The following SOCS4 variants were observed in gnomAD, a reference collection of about 807,000 sequenced individuals.
SOCS4 encodes the protein suppressor of cytokine signaling 4.
In SOCS4, 20 loss-of-function variants were observed where a neutral mutation model predicts 34.1. The ratio of observed to expected loss-of-function variants is 0.59; its 90% CI spans 0.41 to 0.85. SOCS4 has a LOEUF of 0.85. SOCS4 is among the 40% of genes least tolerant of loss of function. SOCS4 has a pLI of 0.00. For missense variants in SOCS4, 479 were observed against 532.4 expected (o/e 0.90, Z 0.99); for synonymous variants, 180 against 186.4 (o/e 0.97, Z 0.28).
At chr14:55,041,587 T>TCCTG (rs2042618670) in intron 2 of SOCS4, among the ~76,000 whole-genome samples, 1 of 151,122 alleles carries the variant, frequency 6.6e-6, no homozygotes, top group African/African-American at 2.4e-5. Context: ...CAAGCAGTTC[T>TCCTG]CCTCAGCCTC....
chr14:55,028,733 A>G (rs1268555278), intron 1 of SOCS4, among the ~76,000 whole-genome samples: 1 of 152,192 alleles, frequency 6.6e-6, no homozygotes, highest in Non-Finnish European at 1.5e-5. Context: ...TCATAGGTTA[A>G]AGAACAATTT....
chr14:55,044,272 A>G lies in SOCS4; in HGVS notation c.1231A>G (p.Ile411Val), dbSNP rs1257003024. 2 of 1,614,030 alleles carry G rather than the reference A, an allele frequency of 1.2e-6. No individual in the cohort carries two copies. The highest frequency in any genetic ancestry group is 1.1e-5 in the South Asian group (1 of 91,080). ...TTYDGIDALP[I>V]PSSMKLYLKE... The stretch of plus-strand genomic sequence containing the variant: ...TTATGATGGCATCGATGCCCTTCCA[A>G]TTCCTTCTTCTATGAAATTATATCT... Residue 411 changes from isoleucine to valine, a missense_variant, in exon 3 of 3, where the codon ATT becomes GTT. By Grantham distance (29) the Ile-to-Val change is conservative (BLOSUM62 3). Transcript: ENST00000555846.
In SOCS4 at chr14:55,045,439, C is replaced by T. The variant is rs1421265251; in HGVS notation, c.*1075C>T. On this transcript the variant is annotated 3_prime_UTR_variant, in exon 3 of 3. Transcript: ENST00000555846. ...AACATGGAGCTCAGTATTCAGGAAG[C>T]TTAATACTGTTTTTGATCTACAAGA... 6.0e-6 allele frequency: 1 copy of T among 166,902 alleles called. No individual in the cohort carries two copies. Among genetic ancestry groups the T allele is most frequent in the African/African-American group, 2.4e-5 (1 of 41,430 alleles). The allele number at this position is 166,902 out of a possible 1,614,324, so 10.3% of individuals were successfully genotyped here.
At chr14:55,036,466 C>A (rs1417811616) in intron 2 of SOCS4, among the ~76,000 whole-genome samples, 2 of 151,966 alleles carry the variant, frequency 1.3e-5, no homozygotes, top group South Asian at 4.1e-4. Context: ...GCCTCAGCCC[C>A]CCGAGTAGCT....
intron 1 of SOCS4, among the ~76,000 whole-genome samples, chr14:55,030,238 A>G (rs1186579405): frequency 6.6e-6 from 1 of 152,218 alleles, no homozygotes; most frequent in East Asian, 1.9e-4. Flanking sequence ...AAATGTAAGC[A>G]TATGTAATTG....
intron 1 of SOCS4, 184 bp downstream of exon 1, chr14:55,027,655 G>T (rs1048311447): frequency 6.6e-6 from 1 of 152,254 alleles, no homozygotes; most frequent in African/African-American, 2.4e-5. Context: ...ATCTTCTAGA[G>T]CCTCTAATCT....
At chr14:55,038,196 G>A (rs185125179) in intron 2 of SOCS4, among the ~76,000 whole-genome samples, 18 of 152,252 alleles carry the variant, frequency 1.2e-4, no homozygotes, top group African/African-American at 3.6e-4. Context: ...ACAGTATGGG[G>A]GAAACTGCCC....
Position 55,046,896 on chromosome 14 carries a change from T to C in SOCS4, c.*2532T>C, listed in dbSNP as rs1200622227. On this transcript the variant is annotated 3_prime_UTR_variant, in exon 3 of 3. Coordinates refer to ENST00000555846, the MANE Select transcript of SOCS4 (RefSeq NM_199421.2). The stretch of plus-strand genomic sequence containing the variant: ...AGGTTACCCCCTTCCTCTGTGTCTT[T>C]GTAAGGATACATTTGGAAGAACATA... 4.2e-5 allele frequency: 7 copies of C among 167,060 alleles called. No homozygotes were observed. The Admixed American group carries it at 4.6e-4, about 11-fold the overall frequency. 10.3% of individuals were successfully genotyped at this position (167,060 alleles called of 1,614,324 possible). A position where few individuals can be genotyped will look rare whatever the true frequency, so the allele number is the denominator to read the frequency against.
intron 2 of SOCS4, among the ~76,000 whole-genome samples, chr14:55,036,848 C>T (rs1260671853): frequency 6.6e-6 from 1 of 152,052 alleles, no homozygotes; most frequent in Non-Finnish European, 1.5e-5. Context: ...GGTGCAGTGG[C>T]TCACACCTGA....
chr14:55,046,915 G>A lies in SOCS4; in HGVS notation c.*2551G>A, dbSNP rs2042681811. On this transcript the variant is annotated 3_prime_UTR_variant, in exon 3 of 3. Coordinates refer to ENST00000555846, the MANE Select transcript of SOCS4 (RefSeq NM_199421.2). ...TGTCTTTGTAAGGATACATTTGGAAGAACATACAGTATTCAGAAACTAACC... is the reference window on the plus strand; with the variant it reads ...TGTCTTTGTAAGGATACATTTGGAAAAACATACAGTATTCAGAAACTAACC... 6.0e-6 allele frequency: 1 copy of A among 166,966 alleles called. No homozygotes were observed. Among genetic ancestry groups the A allele is most frequent in the Non-Finnish European group, 1.5e-5 (1 of 68,066 alleles). 10.3% of individuals were successfully genotyped at this position (166,966 alleles called of 1,614,324 possible). A position where few individuals can be genotyped will look rare whatever the true frequency, so the allele number is the denominator to read the frequency against.
chr14:55,035,439 A>C (rs939081465), intron 2 of SOCS4, among the ~76,000 whole-genome samples: 1 of 152,134 alleles, frequency 6.6e-6, no homozygotes, highest in South Asian at 2.1e-4. Flanking sequence ...TGACATGTGG[A>C]TCCTTTTTCA....
At chr14:55,034,088 G>A (rs182306054) in intron 2 of SOCS4, among the ~76,000 whole-genome samples, 1 of 152,256 alleles carries the variant, frequency 6.6e-6, no homozygotes, top group Non-Finnish European at 1.5e-5. Context: ...AGCCGAGATC[G>A]CACTGCTGCA....
chr14:55,041,783 C>CTTTTTTTGTTTTTTTT (rs2042620776), intron 2 of SOCS4, among the ~76,000 whole-genome samples: 1 of 40,052 alleles, frequency 2.5e-5, no homozygotes, highest in Non-Finnish European at 4.8e-5. Context: ...AACCCTTAAT[C>CTTTTTTTGTTTTTTTT]TTTTTTTTTT....
chr14:55,044,360 G>A lies in SOCS4; in HGVS notation c.1319G>A (p.Cys440Tyr). The change falls in exon 3 of 3, where the codon TGC becomes TAC. Residue 440 changes from cysteine to tyrosine, a missense_variant. Physicochemically the swap from Cys to Tyr is radical, Grantham distance 194 (BLOSUM62 -2). Transcript: ENST00000555846. ...AGGATTGATGCACCAGAACAGCAAT[G>A]CTAGTAACAGGATGGGAACATGGGA... Reference protein sequence around the residue: ...VLRIDAPEQQC With the variant: ...VLRIDAPEQQY 6.3e-7 allele frequency: 1 copy of A among 1,595,026 alleles called. No homozygotes were observed. The highest frequency in any genetic ancestry group is 8.6e-7 in the Non-Finnish European group (1 of 1,168,506).
chr14:55,043,160 CAA>C lies in SOCS4; in HGVS notation c.124_125del (p.Lys42GlufsTer2). The C allele has an allele frequency of 6.2e-7, 1 of 1,613,988 alleles. No individual in the cohort carries two copies. Among genetic ancestry groups the C allele is most frequent in the Non-Finnish European group, 8.5e-7 (1 of 1,179,996 alleles). On this transcript the variant is annotated frameshift_variant, in exon 3 of 3. Coordinates refer to ENST00000555846, the MANE Select transcript of SOCS4 (RefSeq NM_199421.2). LOFTEE classifies it high-confidence loss of function. ...TGGAGTGGAAAGAAGTTATCTTGGT[CAA>C]AAAAGAGTGAGAGTTATTCAGATGC...
chr14:55,043,768 A>G lies in SOCS4; in HGVS notation c.727A>G (p.Lys243Glu), dbSNP rs770791392. The stretch of plus-strand genomic sequence containing the variant: ...TCTAACACTTTGCACAAGTTCCAGA[A>G]AAAGAAACAAACCCAAATGGGATTT... ...EILTLCTSSR[K>E]RNKPKWDLDD... Residue 243 changes from lysine (K) to glutamate (E), a missense_variant, in exon 3 of 3, where the codon AAA (lysine) becomes GAA (glutamate). Lys to Glu is a moderately conservative substitution (Grantham distance 56). Coordinates refer to ENST00000555846, the MANE Select transcript of SOCS4 (RefSeq NM_199421.2). 4 of 1,614,158 alleles carry G rather than the reference A, an allele frequency of 2.5e-6. No homozygotes were observed. Among genetic ancestry groups the G allele is most frequent in the Admixed American group, 3.3e-5 (2 of 60,022 alleles).
chr14:55,043,667 C>T lies in SOCS4; in HGVS notation c.626C>T (p.Pro209Leu). The T allele has an allele frequency of 6.2e-7, 1 of 1,614,164 alleles. No individual in the cohort carries two copies. Among genetic ancestry groups the T allele is most frequent in the Non-Finnish European group, 8.5e-7 (1 of 1,180,024 alleles). The change falls in exon 3 of 3, where the codon CCT becomes CTT. Residue 209 changes from proline (P) to leucine (L), a missense_variant. Transcript: ENST00000555846. Reference protein sequence around the residue: ...TTDNALCREGPMTGSVMNLVS... With the variant: ...TTDNALCREGLMTGSVMNLVS... ...GACAATGCTTTGTGTAGAGAAGGTC[C>T]TATGACTGGCTCTGTGATGAACCTG... is the stretch of plus-strand genomic sequence containing the variant.
intron 2 of SOCS4, among the ~76,000 whole-genome samples, chr14:55,039,747 T>A (rs1184241427): frequency 6.6e-6 from 1 of 151,860 alleles, no homozygotes; most frequent in African/African-American, 2.4e-5. Context: ...CAAAAAAAAA[T>A]TATCCGGGCA....
chr14:55,045,075 C>T lies in SOCS4; in HGVS notation c.*711C>T, dbSNP rs1030407737. ...TGCACTTACTCTTCTACAATGTGGC[C>T]GGATCATTTGTCATTCCTGAATAGG... On this transcript the variant is annotated 3_prime_UTR_variant, in exon 3 of 3. Transcript: ENST00000555846. The T allele has an allele frequency of 6.0e-6, 1 of 166,940 alleles. No homozygotes were observed. The highest frequency in any genetic ancestry group is 1.5e-5 in the Non-Finnish European group (1 of 68,060). The allele number at this position is 166,940 out of a possible 1,614,324, so 10.3% of individuals were successfully genotyped here.
Sources: allele counts gnomAD v4.1 joint callset (sites outside exome capture counted in the v4.1 genomes callset), GRCh38; gene constraint gnomAD v4.1.1; transcripts MANE v1.5; gene names NCBI Gene and HGNC (gene_info 2026-07-23, HGNC 2026-07-21).